RBFOX1: variants seen among roughly 807,000 people sequenced by gnomAD.
RBFOX1 encodes the protein RNA binding fox-1 homolog 1, also known as RNA binding protein fox-1 homolog 1.
RBFOX1 carries 8 observed loss-of-function variants against 57.7 expected under a neutral mutation model. The ratio of observed to expected loss-of-function variants is 0.14; its 90% CI spans 0.08 to 0.25. The LOEUF (loss-of-function observed/expected upper bound fraction) is 0.25, where lower values mean the gene tolerates loss of function less well. RBFOX1 is among the 10% of genes least tolerant of loss of function. RBFOX1 has a pLI of 1.00. For synonymous variants in RBFOX1, 326 were observed against 222.4 expected, an observed-to-expected ratio of 1.47 and a Z score of -4.15; for missense variants, 611 against 548.5, an observed-to-expected ratio of 1.11 and a Z score of -1.14.
At chr16:7,041,449 A>G (rs1282875704) in intron 3 of RBFOX1, among the ~76,000 whole-genome samples, 1 of 152,136 alleles carries the variant, frequency 6.6e-6, no homozygotes, top group African/African-American at 2.4e-5. Context: ...CCATTTCATT[A>G]CTTGTGGACA....
chr16:7,049,696 C>T (rs750209655), intron 3 of RBFOX1, among the ~76,000 whole-genome samples: 7 of 152,042 alleles, frequency 4.6e-5, no homozygotes, highest in Non-Finnish European at 7.4e-5. Context: ...TTCCCCCCTC[C>T]ACTTGCTGCT....
intron 3 of RBFOX1, among the ~76,000 whole-genome samples, chr16:5,823,387 C>T (rs866164871): frequency 3.3e-5 from 5 of 152,124 alleles, no homozygotes; most frequent in Admixed American, 2.0e-4. Context: ...CTGGCAGAGT[C>T]GTAACCAAAT....
At chr16:6,512,663 T>C (rs1373647541) in intron 2 of RBFOX1, among the ~76,000 whole-genome samples, 1 of 152,208 alleles carries the variant, frequency 6.6e-6, no homozygotes, top group Non-Finnish European at 1.5e-5. Context: ...TCTGTGAGGC[T>C]TTCTAGTTCA....
At chr16:7,032,346 G>A (rs966310148) in intron 3 of RBFOX1, among the ~76,000 whole-genome samples, 26 of 152,188 alleles carry the variant, frequency 1.7e-4, no homozygotes, top group African/African-American at 6.3e-4. Context: ...TTGGGAGGCT[G>A]AGGCACAAGA....
chr16:5,457,979 A>G (rs1446760159), intron 1 of RBFOX1, among the ~76,000 whole-genome samples: 1 of 152,146 alleles, frequency 6.6e-6, no homozygotes, highest in East Asian at 1.9e-4. Context: ...ACCCACTTAC[A>G]AGAACCAACT....
chr16:5,559,605 G>T (rs1250991957), intron 2 of RBFOX1, among the ~76,000 whole-genome samples: 1 of 152,134 alleles, frequency 6.6e-6, no homozygotes, highest in African/African-American at 2.4e-5. Context: ...TGCCCTAAAG[G>T]CGCCCCTCCA....
intron 1 of RBFOX1, among the ~76,000 whole-genome samples, chr16:6,105,140 C>G (rs2096363127): frequency 6.6e-6 from 1 of 152,194 alleles, no homozygotes. Flanking sequence ...GCTCATCATT[C>G]CTCTCTCACC....
intron 1 of RBFOX1, among the ~76,000 whole-genome samples, chr16:6,158,469 T>A (rs2096854307): frequency 6.6e-6 from 1 of 152,170 alleles, no homozygotes; most frequent in African/African-American, 2.4e-5. Context: ...CTCATTTGAT[T>A]TTTATATAAA....
chr16:6,672,137 G>A (rs1157043365), intron 3 of RBFOX1, among the ~76,000 whole-genome samples: 1 of 152,200 alleles, frequency 6.6e-6, no homozygotes, highest in East Asian at 1.9e-4. Context: ...TGGAGGCTAA[G>A]GTAACATTAG....
intron 1 of RBFOX1, among the ~76,000 whole-genome samples, chr16:5,465,188 T>C (rs2068915484): frequency 6.6e-6 from 1 of 152,118 alleles, no homozygotes; most frequent in African/African-American, 2.4e-5. Context: ...GTCAGCAGGA[T>C]TGGTTTCTTC....
intron 4 of RBFOX1, among the ~76,000 whole-genome samples, chr16:7,350,601 C>T (rs1378213670): frequency 6.6e-6 from 1 of 152,116 alleles, no homozygotes; most frequent in African/African-American, 2.4e-5. Context: ...GGACAAGATG[C>T]AAAACAGACA....
rs181042044 is a variant in RBFOX1 at position 5,367,481 on chromosome 16, G to C, written c.220-99735G>C. Among the ~76,000 whole-genome samples, 9 of 152,286 alleles carry C rather than the reference G, an allele frequency of 5.9e-5. No homozygotes were observed. In the East Asian group the frequency reaches 1.7e-3, roughly 29 times the overall value. On this transcript the variant is annotated intron_variant, in intron 1 of 2. Coordinates refer to the RBFOX1 transcript ENST00000585867. The stretch of plus-strand genomic sequence containing the variant: ...GCTGGAGGGGATGTGGGTTCTCACT[G>C]CATGTGCCATATGGGCAACAGGGAA...
intron 2 of RBFOX1, among the ~76,000 whole-genome samples, chr16:6,489,312 A>G (rs1247451756): frequency 3.3e-5 from 5 of 152,160 alleles, no homozygotes; most frequent in Non-Finnish European, 7.4e-5. Flanking sequence ...AAGGTTTGGC[A>G]CATAGGTTTA....
intron 2 of RBFOX1, among the ~76,000 whole-genome samples, chr16:5,544,923 C>T (rs1408139948): frequency 7.3e-6 from 1 of 137,046 alleles, no homozygotes; most frequent in Non-Finnish European, 1.6e-5. Context: ...AAGACAAATA[C>T]AGGTATAGAT....
chr16:5,884,118 A>G (rs992403513), intron 4 of RBFOX1, among the ~76,000 whole-genome samples: 7 of 152,210 alleles, frequency 4.6e-5, no homozygotes, highest in African/African-American at 1.7e-4. Context: ...ATTAAATGAG[A>G]GAGGCTATTA....
chr16:7,645,995 T>G (rs1039731015), intron 11 of RBFOX1, among the ~76,000 whole-genome samples: 1 of 151,596 alleles, frequency 6.6e-6, no homozygotes, highest in African/African-American at 2.4e-5. Context: ...CTGGATTTTT[T>G]TAAAAAAAGA....
At chr16:6,255,957 A>G (rs1306035275) in intron 1 of RBFOX1, among the ~76,000 whole-genome samples, 1 of 151,306 alleles carries the variant, frequency 6.6e-6, no homozygotes, top group Non-Finnish European at 1.5e-5. Flanking sequence ...CTTAAAACCT[A>G]GATGACACGT....
In RBFOX1 at chr16:5,527,675, G is replaced by C. The variant is rs190222722; in HGVS notation, c.258+60421G>C. 2.8e-4 allele frequency among the ~76,000 whole-genome samples: 42 copies of C among 152,224 alleles called. No individual in the cohort carries two copies. In the East Asian group the frequency reaches 7.2e-3, roughly 26 times the overall value. ...TTTAGGATGGTTTTTTGGGTTTTGT[G>C]CTTGAGCTGCAGACTTAGGAAAGGG... On this transcript the variant is annotated intron_variant, in intron 2 of 2. Coordinates refer to the RBFOX1 transcript ENST00000585867.
intron 2 of RBFOX1, among the ~76,000 whole-genome samples, chr16:6,352,609 T>C (rs1407494441): frequency 6.6e-6 from 1 of 152,226 alleles, no homozygotes; most frequent in East Asian, 1.9e-4. Flanking sequence ...CTATTTATCC[T>C]GTCCTTGCTT....
Sources: allele counts gnomAD v4.1 joint callset (sites outside exome capture counted in the v4.1 genomes callset), GRCh38; gene constraint gnomAD v4.1.1; transcripts MANE v1.5; gene names NCBI Gene and HGNC (gene_info 2026-07-23, HGNC 2026-07-21).